The following FNDC3B variants were observed in gnomAD, a reference collection of about 807,000 sequenced individuals.
FNDC3B encodes fibronectin type III domain-containing protein 3B.
A neutral mutation model predicts 151.5 loss-of-function variants in FNDC3B; 12 were observed. The ratio of observed to expected loss-of-function variants is 0.08; its 90% CI spans 0.05 to 0.13. The LOEUF (loss-of-function observed/expected upper bound fraction) is 0.13, where lower values mean the gene tolerates loss of function less well. FNDC3B is among the 10% of genes least tolerant of loss of function. The pLI, the probability that FNDC3B is intolerant of heterozygous loss-of-function variation, is 1.00. For missense variants in FNDC3B, 1,214 were observed against 1,505.3 expected (o/e 0.81, Z 3.20); for synonymous variants, 528 against 549.0 (o/e 0.96, Z 0.54).
chr3:172,265,492 A>G (rs1369869006), intron 6 of FNDC3B, among the ~76,000 whole-genome samples: 1 of 152,206 alleles, frequency 6.6e-6, no homozygotes, highest in African/African-American at 2.4e-5. Context: ...ATATGAAGGA[A>G]TAAAATGAGT....
chr3:172,307,951 C>T (rs1012822005), intron 10 of FNDC3B, among the ~76,000 whole-genome samples: 2 of 152,190 alleles, frequency 1.3e-5, no homozygotes, highest in Non-Finnish European at 2.9e-5. Flanking sequence ...AAAATACCTA[C>T]ATCTTATCAC....
chr3:172,247,563 G>A lies in FNDC3B; in HGVS notation c.295G>A (p.Val99Met). The A allele has an allele frequency of 6.2e-7, 1 of 1,614,068 alleles. No homozygotes were observed. Among genetic ancestry groups the A allele is most frequent in the Non-Finnish European group, 8.5e-7 (1 of 1,179,984 alleles). Residue 99 changes from valine to methionine, a missense_variant, in exon 5 of 26, where the codon GTG (valine) becomes ATG (methionine). By Grantham distance (21) the Val-to-Met change is conservative (BLOSUM62 1). Around this residue, in one of 7 missense-constraint regions of FNDC3B, gnomAD observed 113 missense variants for 177.8 expected, o/e 0.64. Transcript: ENST00000415807. ...VIEDSTGVRR[V>M]VVTPQSPECY... ...TGAAGATAGTACTGGAGTCCGCCGG[G>A]TGGTGGTCACACCCCAGTCTCCTGA... is the stretch of plus-strand genomic sequence containing the variant.
chr3:172,247,683 A>T lies in FNDC3B; in HGVS notation c.415A>T (p.Thr139Ser), dbSNP rs764125251. ...HHPHFIHNSH[T>S]AYYPPVTGPG... ...TCCACATTTTATTCATAACTCACAC[A>T]CGGCTTACTACCCACCTGTTACCGG... is the stretch of plus-strand genomic sequence containing the variant. Residue 139 changes from threonine to serine, a missense_variant, in exon 5 of 26, where the codon ACG becomes TCG. This residue lies in a region of FNDC3B where 166 missense variants were observed against 173.2 expected (regional missense o/e 0.96). Coordinates refer to ENST00000415807, the MANE Select transcript of FNDC3B (RefSeq NM_022763.4). 1.7e-5 allele frequency: 28 copies of T among 1,613,910 alleles called. No individual in the cohort carries two copies. In the African/African-American group the frequency reaches 3.6e-4, roughly 21 times the overall value.
At chr3:172,386,058 A>G (rs1735692234) in intron 25 of FNDC3B, among the ~76,000 whole-genome samples, 2 of 152,170 alleles carry the variant, frequency 1.3e-5, no homozygotes, top group Admixed American at 1.3e-4. Context: ...TATTACTCAC[A>G]ATTTTACTCT....
At chr3:172,271,695 T>C (rs893088078) in intron 6 of FNDC3B, among the ~76,000 whole-genome samples, 1 of 152,198 alleles carries the variant, frequency 6.6e-6, no homozygotes, top group Non-Finnish European at 1.5e-5. Flanking sequence ...GAGAGAGTTC[T>C]TAGGTAAACG....
rs904459610 is a variant in FNDC3B, at chr3:172,257,371, G to A, written c.790+5830G>A. 7.2e-5 allele frequency among the ~76,000 whole-genome samples: 11 copies of A among 152,156 alleles called. No homozygotes were observed. In the East Asian group the frequency reaches 7.7e-4, roughly 11 times the overall value. ...AATTGTAAGATTTTAAATAATCGGCGTTCTGGACTGTGTGACATAGAACAT... is the reference window on the plus strand; with the variant it reads ...AATTGTAAGATTTTAAATAATCGGCATTCTGGACTGTGTGACATAGAACAT... On this transcript the variant is annotated intron_variant, in intron 6 of 25. Coordinates refer to ENST00000415807, the MANE Select transcript of FNDC3B (RefSeq NM_022763.4).
chr3:172,221,835 C>T (rs1014462945), intron 3 of FNDC3B, among the ~76,000 whole-genome samples: 2 of 152,178 alleles, frequency 1.3e-5, no homozygotes, highest in African/African-American at 4.8e-5. Context: ...TGTATGCAGT[C>T]TTAGACCCAT....
chr3:172,316,365 A>G (rs1283074911), intron 11 of FNDC3B: 5 of 447,038 alleles, frequency 1.1e-5, no homozygotes, highest in Admixed American at 2.5e-5. Context: ...AGAAGAAGCT[A>G]TGGGAGAAGG....
intron 3 of FNDC3B, among the ~76,000 whole-genome samples, chr3:172,197,867 A>G (rs1375637326): frequency 6.6e-6 from 1 of 152,212 alleles, no homozygotes; most frequent in Non-Finnish European, 1.5e-5. Flanking sequence ...ATCATTGACT[A>G]AGATGGTACC....
chr3:172,108,492 C>A (rs1449610180), intron 1 of FNDC3B, among the ~76,000 whole-genome samples: 1 of 152,166 alleles, frequency 6.6e-6, no homozygotes, highest in African/African-American at 2.4e-5. Flanking sequence ...GTAGGTATTC[C>A]TGAGGTCTCC....
rs139259324 is a variant in FNDC3B at position 172,075,304 on chromosome 3, G to A, written c.-29+35533G>A. 9.4e-3 allele frequency among the ~76,000 whole-genome samples: 1,435 copies of A among 152,234 alleles called. 26 individuals carry two copies. The highest frequency in any genetic ancestry group is 0.033 in the African/African-American group (1,377 of 41,520). ...CTACTGGACAACATCTTGACACTTG[G>A]TCATTGGCCTGTGCTGGAGGCATGA... On this transcript the variant is annotated intron_variant, in intron 1 of 25. Coordinates refer to ENST00000415807, the MANE Select transcript of FNDC3B (RefSeq NM_022763.4).
chr3:172,287,411 G>A (rs534218375), intron 7 of FNDC3B, among the ~76,000 whole-genome samples: 5 of 152,324 alleles, frequency 3.3e-5, no homozygotes, highest in African/African-American at 7.2e-5. Flanking sequence ...TACAAGACAG[G>A]GAGATCACAT....
chr3:172,381,544 A>C (rs1273511847), intron 25 of FNDC3B, among the ~76,000 whole-genome samples: 1 of 151,830 alleles, frequency 6.6e-6, no homozygotes, highest in Non-Finnish European at 1.5e-5. Flanking sequence ...ATAGGTATAC[A>C]TGTGCCATGG....
intron 1 of FNDC3B, among the ~76,000 whole-genome samples, chr3:172,047,977 G>A (rs1022318856): frequency 4.6e-4 from 70 of 152,306 alleles, no homozygotes; most frequent in African/African-American, 1.6e-3. Flanking sequence ...GGAGAGTCCT[G>A]AGTTTAGTAT....
chr3:172,335,264 T>G (rs780619500), intron 15 of FNDC3B, 182 bp downstream of exon 15: 21 of 480,084 alleles, frequency 4.4e-5, no homozygotes, highest in Non-Finnish European at 7.4e-5. Context: ...GAATGGACAA[T>G]TTCATTAAAA....
intron 3 of FNDC3B, among the ~76,000 whole-genome samples, chr3:172,176,314 A>G (rs1723591293): frequency 2.0e-5 from 3 of 152,232 alleles, no homozygotes; most frequent in Non-Finnish European, 2.9e-5. Flanking sequence ...CGAGTATAGT[A>G]ATAACAAGTC....
chr3:172,320,843 C>T (rs145961656), intron 11 of FNDC3B, among the ~76,000 whole-genome samples: 1 of 152,090 alleles, frequency 6.6e-6, no homozygotes, highest in Non-Finnish European at 1.5e-5. Flanking sequence ...GATTCATCTT[C>T]CCAAGTACTG....
chr3:172,172,967 C>G (rs918270267), intron 3 of FNDC3B, among the ~76,000 whole-genome samples: 2 of 152,088 alleles, frequency 1.3e-5, no homozygotes, highest in African/African-American at 4.8e-5. Flanking sequence ...ATTAATTGGG[C>G]ACTTATATTA....
At chr3:172,291,482 G>T (rs566367836) in intron 7 of FNDC3B, among the ~76,000 whole-genome samples, 3 of 152,248 alleles carry the variant, frequency 2.0e-5, no homozygotes, top group Admixed American at 1.3e-4. Flanking sequence ...TAATTAGTAT[G>T]TGACCACTTA....
Sources: gnomAD v4.1 joint callset for allele counts (sites outside exome capture counted in the v4.1 genomes callset) on GRCh38, gnomAD v4.1.1 for gene constraint, gnomAD v4.1.1 regional missense constraint, MANE v1.5 for transcripts, NCBI Gene and HGNC (gene_info 2026-07-23, HGNC 2026-07-21) for gene names.